Variants in GCNT2 observed in about 807,000 individuals in gnomAD.
GCNT2 encodes the protein N-acetyllactosaminide beta-1,6-N-acetylglucosaminyl-transferase.
Under a neutral mutation model 34.2 loss-of-function variants are expected in GCNT2, and 34 were observed. The observed-to-expected ratio is 1.00, with a 90% CI of 0.76 to 1.32. GCNT2 has a LOEUF of 1.32. Among genes scored for constraint, GCNT2 ranks in the 40% most tolerant of loss-of-function variants. The probability of loss-of-function intolerance (pLI) is 0.00; values close to 1 mark genes in which losing one functional copy is unlikely to be tolerated. For synonymous variants in GCNT2, 212 were observed against 188.0 expected, an observed-to-expected ratio of 1.13 and a Z score of -1.04; for missense variants, 584 against 489.4, an observed-to-expected ratio of 1.19 and a Z score of -1.82.
chr6:10,588,973 ATGTATGGTGTGGT>A (rs1764490925), intron 3 of GCNT2, among the ~76,000 whole-genome samples: 2 of 98,724 alleles, frequency 2.0e-5, no homozygotes, highest in South Asian at 6.9e-4. Context: ...GTGTGTGTGT[ATGTATGGTGTGGT>A]TGTGTGGTGT....
At chr6:10,556,677 C>T (rs17637756) in intron 3 of GCNT2, 2 of 1,614,160 alleles carry the variant, frequency 1.2e-6, no homozygotes, top group South Asian at 1.1e-5. Context: ...ATCACAGCCC[C>T]TTTATCTAAG....
chr6:10,547,559 A>G (rs1342933825), intron 3 of GCNT2, among the ~76,000 whole-genome samples: 1 of 152,228 alleles, frequency 6.6e-6, no homozygotes, highest in Non-Finnish European at 1.5e-5. Flanking sequence ...GAGCCTTATA[A>G]TGATGATGAC....
At chr6:10,587,602 C>T (rs1764413929) in intron 3 of GCNT2, among the ~76,000 whole-genome samples, 3 of 152,114 alleles carry the variant, frequency 2.0e-5, no homozygotes, top group Admixed American at 2.0e-4. Context: ...TTGGACATTC[C>T]AATTTGCAGC....
At chr6:10,589,746 A>C (rs1250939038) in intron 3 of GCNT2, among the ~76,000 whole-genome samples, 2 of 152,158 alleles carry the variant, frequency 1.3e-5, no homozygotes, top group Admixed American at 1.3e-4. Context: ...TATTATGTTT[A>C]TAGGTAATAA....
chr6:10,558,217 C>T (rs910620394), intron 3 of GCNT2, among the ~76,000 whole-genome samples: 1 of 152,164 alleles, frequency 6.6e-6, no homozygotes, highest in Non-Finnish European at 1.5e-5. Context: ...GGGTTATTTT[C>T]TATCTCATTA....
At position 10,556,589 on chromosome 6, in the gene GCNT2, A is replaced by C. The variant is rs1762715995; in HGVS notation, c.925+26753A>C. 1.9e-6 allele frequency: 3 copies of C among 1,614,080 alleles called. No individual in the cohort carries two copies. In the South Asian group the frequency reaches 3.3e-5, roughly 18 times the overall value. Reference sequence around the variant, plus strand: ...TTGCACATCTTTTATCAATGGAAAAACACGTTTCCTGTGGAAAAACAAACT... The same window carrying C: ...TTGCACATCTTTTATCAATGGAAAACCACGTTTCCTGTGGAAAAACAAACT... On this transcript the variant is annotated intron_variant, in intron 3 of 4. Coordinates refer to ENST00000495262, the MANE Select transcript of GCNT2 (RefSeq NM_145649.5).
At chr6:10,556,899 A>T (rs147047890) in intron 3 of GCNT2, 1 of 1,614,158 alleles carries the variant, frequency 6.2e-7, no homozygotes, top group Non-Finnish European at 8.5e-7. Flanking sequence ...CCCGTTGTCT[A>T]TGGAGGGATC....
At chr6:10,559,221 C>T (rs79425856) in intron 3 of GCNT2, among the ~76,000 whole-genome samples, 6 of 151,684 alleles carry the variant, frequency 4.0e-5, no homozygotes, top group Non-Finnish European at 5.9e-5. Context: ...TTTTCCTTAC[C>T]CCTTTCTGAT....
intron 3 of GCNT2, among the ~76,000 whole-genome samples, chr6:10,554,077 T>G (rs1479543405): frequency 1.3e-5 from 2 of 152,214 alleles, no homozygotes; most frequent in African/African-American, 2.4e-5. Flanking sequence ...AGTGTCAACT[T>G]TGTCCTCAGC....
At chr6:10,561,812 G>A (rs951797626) in intron 3 of GCNT2, among the ~76,000 whole-genome samples, 28 of 146,202 alleles carry the variant, frequency 1.9e-4, no homozygotes, top group African/African-American at 6.8e-4. Flanking sequence ...TTTTGTATAC[G>A]TTTTCCTTTT....
rs1766266299 is a variant in GCNT2 at position 10,626,562 on chromosome 6, C to CATTCA, written c.1164_1165insATTCA (p.Leu389IlefsTer24). On this transcript the variant is annotated frameshift_variant, in exon 5 of 5. Coordinates refer to ENST00000495262, the MANE Select transcript of GCNT2 (RefSeq NM_145649.5). LOFTEE classifies it high-confidence loss of function. ...TAGAACTGAGGCATCGCGAAAGAACCCTCAATCAGAGTGAAACTGCGATAC... is the reference window on the plus strand; with the variant it reads ...TAGAACTGAGGCATCGCGAAAGAACCATTCACTCAATCAGAGTGAAACTGCGATAC... 1 of 1,613,816 alleles carries CATTCA rather than the reference C, an allele frequency of 6.2e-7. No homozygotes were observed. Among genetic ancestry groups the CATTCA allele is most frequent in the Non-Finnish European group, 8.5e-7 (1 of 1,179,854 alleles).
chr6:10,584,264 G>A (rs1561817923), intron 3 of GCNT2, among the ~76,000 whole-genome samples: 1 of 152,156 alleles, frequency 6.6e-6, no homozygotes, highest in Non-Finnish European at 1.5e-5. Context: ...GGGCCTAAAT[G>A]TACACGTAGG....
intron 3 of GCNT2, among the ~76,000 whole-genome samples, chr6:10,596,897 A>G (rs9466908): frequency 0.11 from 16,787 of 152,194 alleles, 1,101 homozygotes; most frequent in Middle Eastern, 0.17. Context: ...CTGTAATTTA[A>G]TTTGAGATGC....
chr6:10,530,595 G>T (rs753094667), intron 3 of GCNT2, among the ~76,000 whole-genome samples: 17 of 152,086 alleles, frequency 1.1e-4, no homozygotes, highest in Non-Finnish European at 2.1e-4. Context: ...GCATGGCCAG[G>T]CATGGTGGCT....
At chr6:10,573,261 T>A in intron 3 of GCNT2, 8 of 985,028 alleles carry the variant, frequency 8.1e-6, no homozygotes, top group Non-Finnish European at 9.6e-6. Flanking sequence ...AGAGAAAAGT[T>A]GTTGTGCAGA....
At chr6:10,539,323 G>A (rs1278982434) in intron 3 of GCNT2, among the ~76,000 whole-genome samples, 2 of 151,126 alleles carry the variant, frequency 1.3e-5, no homozygotes, top group Non-Finnish European at 2.9e-5. Flanking sequence ...CCGAGTTGCT[G>A]GGATTACAGG....
chr6:10,612,308 G>C (rs752944004), intron 3 of GCNT2, among the ~76,000 whole-genome samples: 7 of 152,076 alleles, frequency 4.6e-5, no homozygotes, highest in Non-Finnish European at 1.0e-4. Flanking sequence ...TTTAACTTTA[G>C]ATCAATCATT....
intron 3 of GCNT2, chr6:10,574,955 A>C: frequency 4.2e-6 from 3 of 722,880 alleles, no homozygotes; most frequent in Non-Finnish European, 7.6e-6. Flanking sequence ...TGCTCAATAC[A>C]CACATTAATT....
At chr6:10,535,772 G>A (rs1761723668) in intron 3 of GCNT2, among the ~76,000 whole-genome samples, 1 of 152,146 alleles carries the variant, frequency 6.6e-6, no homozygotes, top group African/African-American at 2.4e-5. Flanking sequence ...GTGGGCGGTG[G>A]GAGGAAGGAG....
Sources: gnomAD v4.1 joint callset for allele counts (sites outside exome capture counted in the v4.1 genomes callset) on GRCh38, gnomAD v4.1.1 for gene constraint, MANE v1.5 for transcripts, NCBI Gene and HGNC (gene_info 2026-07-23, HGNC 2026-07-21) for gene names.